PRKG1: variants seen among roughly 807,000 people sequenced by gnomAD.
The protein encoded by PRKG1 is protein kinase cGMP-dependent 1, also known as cGMP-dependent protein kinase 1.
A neutral mutation model predicts 88.1 loss-of-function variants in PRKG1; 35 were observed. The ratio of observed to expected loss-of-function variants is 0.40; its 90% confidence interval spans 0.30 to 0.53. The LOEUF is 0.53. Among genes scored for constraint, PRKG1 ranks in the 20% least tolerant of loss-of-function variants. The pLI is 0.59. For synonymous variants in PRKG1, 303 were observed against 292.5 expected (o/e 1.04, Z -0.37); for missense variants, 540 against 839.8 (o/e 0.64, Z 4.41).
chr10:51,731,519 G>GA (rs1226175374), intron 3 of PRKG1, among the ~76,000 whole-genome samples: 2 of 152,136 alleles, frequency 1.3e-5, no homozygotes, highest in African/African-American at 4.8e-5. Flanking sequence ...CCAGACTTGA[G>GA]AAAATTTAGC....
At chr10:51,972,782 T>C (rs1294879116) in intron 5 of PRKG1, among the ~76,000 whole-genome samples, 1 of 152,200 alleles carries the variant, frequency 6.6e-6, no homozygotes, top group Non-Finnish European at 1.5e-5. Flanking sequence ...ATAATCTGTC[T>C]TTTAAAATAA....
intron 3 of PRKG1, among the ~76,000 whole-genome samples, chr10:51,772,202 C>T (rs1175932593): frequency 6.6e-6 from 1 of 151,988 alleles, no homozygotes; most frequent in Non-Finnish European, 1.5e-5. Context: ...TTCTAGAAGG[C>T]AATTTGGAAA....
At chr10:51,581,517 G>T (rs753605095) in intron 3 of PRKG1, among the ~76,000 whole-genome samples, 1 of 152,116 alleles carries the variant, frequency 6.6e-6, no homozygotes, top group Non-Finnish European at 1.5e-5. Context: ...CACAAGGGTC[G>T]CATTCCATTC....
intron 7 of PRKG1, among the ~76,000 whole-genome samples, chr10:52,067,807 T>C (rs974995568): frequency 2.0e-5 from 3 of 151,974 alleles, no homozygotes; most frequent in African/African-American, 7.2e-5. Flanking sequence ...TACTCCCTTA[T>C]ATATATATGA....
chr10:52,204,337 C>T (rs978505020), intron 9 of PRKG1, among the ~76,000 whole-genome samples: 27 of 152,060 alleles, frequency 1.8e-4, no homozygotes, highest in African/African-American at 9.7e-5. Flanking sequence ...CTGCCCACCT[C>T]GGCCTCCCAA....
chr10:51,410,994 C>A (rs1173761719), intron 2 of PRKG1, among the ~76,000 whole-genome samples: 5 of 151,540 alleles, frequency 3.3e-5, no homozygotes, highest in Non-Finnish European at 7.4e-5. Flanking sequence ...GGTAATTTTA[C>A]AGGTTAATTT....
At chr10:51,781,862 A>G (rs539220775) in intron 3 of PRKG1, among the ~76,000 whole-genome samples, 158 of 152,144 alleles carry the variant, frequency 1.0e-3, no homozygotes, top group Non-Finnish European at 1.7e-3. Flanking sequence ...ACCATCAGTT[A>G]TGTCTGCAAT....
At chr10:51,207,152 G>C (rs16915429) in intron 2 of PRKG1, among the ~76,000 whole-genome samples, 1,877 of 152,114 alleles carry the variant, frequency 0.012, 30 homozygotes, top group African/African-American at 0.041. Context: ...AATTAGCCAG[G>C]GCATGATAAC....
chr10:51,873,946 T>C (rs1841225499), intron 4 of PRKG1, among the ~76,000 whole-genome samples: 1 of 152,202 alleles, frequency 6.6e-6, no homozygotes, highest in African/African-American at 2.4e-5. Flanking sequence ...CTCTATCTTG[T>C]TTATACTTTA....
At chr10:51,288,181 G>A (rs944560400) in intron 2 of PRKG1, among the ~76,000 whole-genome samples, 5 of 151,354 alleles carry the variant, frequency 3.3e-5, no homozygotes, top group African/African-American at 1.2e-4. Flanking sequence ...TAGGGTACAT[G>A]TGCACAATGT....
At chr10:51,378,680 A>G (rs1302720829) in intron 2 of PRKG1, among the ~76,000 whole-genome samples, 2 of 152,210 alleles carry the variant, frequency 1.3e-5, no homozygotes, top group Non-Finnish European at 2.9e-5. Context: ...GGAATCCAAT[A>G]GACCTGAGTT....
intron 1 of PRKG1, among the ~76,000 whole-genome samples, chr10:51,006,959 G>A: frequency 1.6e-5 from 2 of 123,768 alleles, no homozygotes; most frequent in African/African-American, 6.2e-5. Context: ...TTTTTTTTGA[G>A]ATGGCGTCTT....
intron 2 of PRKG1, among the ~76,000 whole-genome samples, chr10:51,226,724 A>C (rs1838702709): frequency 6.6e-6 from 1 of 152,188 alleles, no homozygotes; most frequent in Admixed American, 6.5e-5. Flanking sequence ...ATGGAGAATA[A>C]CAGTTATTTA....
intron 7 of PRKG1, among the ~76,000 whole-genome samples, chr10:52,099,338 C>T (rs765732147): frequency 2.0e-5 from 3 of 152,056 alleles, no homozygotes; most frequent in Non-Finnish European, 2.9e-5. Flanking sequence ...AAGAGAGTTA[C>T]GATGAGTCAT....
At chr10:51,467,638 C>A in intron 2 of PRKG1, 85 bp from the exon 3 acceptor site, 1 of 1,075,484 alleles carries the variant, frequency 9.3e-7, no homozygotes, top group Non-Finnish European at 1.4e-6. Flanking sequence ...ACAAATGAGC[C>A]TAACACTCCT....
intron 3 of PRKG1, among the ~76,000 whole-genome samples, chr10:51,528,689 G>T (rs1325838206): frequency 1.3e-5 from 2 of 151,530 alleles, no homozygotes; most frequent in African/African-American, 4.9e-5. Context: ...AAGACAGGGG[G>T]TGGCATAACT....
intron 3 of PRKG1, among the ~76,000 whole-genome samples, chr10:51,793,481 G>T (rs1298445736): frequency 6.6e-6 from 1 of 152,078 alleles, no homozygotes; most frequent in African/African-American, 2.4e-5. Flanking sequence ...CATATTTACA[G>T]AAATAATAGC....
intron 5 of PRKG1, among the ~76,000 whole-genome samples, chr10:51,968,820 C>CAAAAAAAAAAAAAAA (rs56810665): frequency 9.5e-6 from 1 of 105,456 alleles, no homozygotes; most frequent in Non-Finnish European, 2.2e-5. Context: ...AAAACTCCAT[C>CAAAAAAAAAAAAAAA]AAAAAAAAAA....
intron 6 of PRKG1, among the ~76,000 whole-genome samples, chr10:52,055,900 G>C (rs1846099787): frequency 6.6e-6 from 1 of 152,164 alleles, no homozygotes; most frequent in Non-Finnish European, 1.5e-5. Flanking sequence ...AAGATTATAA[G>C]TATTGTTGAA....
Sources: gnomAD v4.1 joint callset for allele counts (sites outside exome capture counted in the v4.1 genomes callset) on GRCh38, gnomAD v4.1.1 for gene constraint, MANE v1.5 for transcripts, NCBI Gene and HGNC (gene_info 2026-07-23, HGNC 2026-07-21) for gene names.